Variants in STEAP1B observed in about 807,000 individuals in gnomAD.
STEAP1B encodes the protein STEAP family member 1B, also known as STEAP family protein MGC87042.
A neutral mutation model predicts 27.9 loss-of-function variants in STEAP1B; 13 were observed. The observed-to-expected ratio is 0.47, with a 90% CI of 0.30 to 0.74. The LOEUF (loss-of-function observed/expected upper bound fraction) is 0.74, where lower values mean the gene tolerates loss of function less well. Among genes scored for constraint, STEAP1B ranks in the 30% least tolerant of loss-of-function variants. The probability of loss-of-function intolerance (pLI) is 0.06; values close to 1 mark genes in which losing one functional copy is unlikely to be tolerated. For missense variants in STEAP1B, 250 were observed against 298.7 expected, an observed-to-expected ratio of 0.84 and a Z score of 1.20; for synonymous variants, 86 against 107.1, an observed-to-expected ratio of 0.80 and a Z score of 1.22.
chr7:22,424,928 A>T (rs1465101792), intron 4 of STEAP1B, among the ~76,000 whole-genome samples: 2 of 151,986 alleles, frequency 1.3e-5, no homozygotes, highest in Non-Finnish European at 2.9e-5. Flanking sequence ...ATACAGGATC[A>T]TTTCAATTAA....
chr7:22,495,762 T>C (rs1168104617), intron 1 of STEAP1B, among the ~76,000 whole-genome samples: 1 of 152,166 alleles, frequency 6.6e-6, no homozygotes, highest in Non-Finnish European at 1.5e-5. Flanking sequence ...CGTGTAGTAC[T>C]TTTTTAGGTG....
intron 4 of STEAP1B, among the ~76,000 whole-genome samples, chr7:22,420,109 A>G (rs903655404): frequency 2.0e-5 from 3 of 152,108 alleles, no homozygotes; most frequent in African/African-American, 7.2e-5. Flanking sequence ...CTCTCTCTCA[A>G]ACACAACAAA....
chr7:22,461,039 C>T (rs147627323), intron 4 of STEAP1B, among the ~76,000 whole-genome samples: 3 of 152,260 alleles, frequency 2.0e-5, no homozygotes, highest in Non-Finnish European at 2.9e-5. Flanking sequence ...GAAAAACTGC[C>T]GCTTTCCTGG....
At chr7:22,477,884 C>T (rs967424287) in intron 4 of STEAP1B, among the ~76,000 whole-genome samples, 6 of 152,202 alleles carry the variant, frequency 3.9e-5, no homozygotes, top group Non-Finnish European at 7.4e-5. Context: ...GTCCCATGAG[C>T]GAGCTACTGA....
chr7:22,477,204 A>G (rs1303835085), intron 4 of STEAP1B, among the ~76,000 whole-genome samples: 1 of 152,204 alleles, frequency 6.6e-6, no homozygotes, highest in Non-Finnish European at 1.5e-5. Context: ...GGGGTGACCC[A>G]TTGGGTCACA....
intron 4 of STEAP1B, among the ~76,000 whole-genome samples, chr7:22,468,947 A>T (rs979095267): frequency 2.6e-5 from 4 of 152,186 alleles, no homozygotes; most frequent in Non-Finnish European, 4.4e-5. Context: ...GCTAATAACC[A>T]TGTTACTTAT....
At chr7:22,456,735 T>C (rs1785584377) in intron 4 of STEAP1B, among the ~76,000 whole-genome samples, 1 of 151,030 alleles carries the variant, frequency 6.6e-6, no homozygotes, top group African/African-American at 2.4e-5. Flanking sequence ...TGAAAACTGA[T>C]AGAGAGGAAG....
intron 1 of STEAP1B, among the ~76,000 whole-genome samples, chr7:22,499,872 C>G (rs572406386): frequency 6.6e-6 from 1 of 152,374 alleles, no homozygotes; most frequent in South Asian, 2.1e-4. Flanking sequence ...CTCTGAGTCC[C>G]TGGCTCCCCC....
At chr7:22,492,281 C>T (rs60542468) in intron 4 of STEAP1B, 16,850 of 168,016 alleles carry the variant, frequency 0.1, 1,224 homozygotes, top group African/African-American at 0.18. Context: ...ATCGTGCCAC[C>T]ATACTCCAGC....
At chr7:22,488,298 C>T (rs181837008) in intron 4 of STEAP1B, among the ~76,000 whole-genome samples, 34 of 152,298 alleles carry the variant, frequency 2.2e-4, no homozygotes, top group Middle Eastern at 3.4e-3. Context: ...AGATTTCCTG[C>T]GGGAGCCCTG....
At chr7:22,491,551 A>C (rs922772545) in intron 4 of STEAP1B, among the ~76,000 whole-genome samples, 2 of 152,214 alleles carry the variant, frequency 1.3e-5, no homozygotes, top group Non-Finnish European at 2.9e-5. Flanking sequence ...GCATTTGAAG[A>C]ATGGGTAGAC....
At chr7:22,498,655 C>T (rs1157517864) in intron 1 of STEAP1B, among the ~76,000 whole-genome samples, 1 of 152,238 alleles carries the variant, frequency 6.6e-6, no homozygotes, top group African/African-American at 2.4e-5. Flanking sequence ...GGCATTTCAA[C>T]TGCATGGTAG....
chr7:22,452,160 C>T (rs1179043056), intron 4 of STEAP1B, among the ~76,000 whole-genome samples: 2 of 152,294 alleles, frequency 1.3e-5, no homozygotes, highest in Middle Eastern at 3.4e-3. Context: ...TTACAGAAGG[C>T]TGCTACCACC....
At chr7:22,481,678 C>A (rs145676719) in intron 4 of STEAP1B, among the ~76,000 whole-genome samples, 1 of 152,210 alleles carries the variant, frequency 6.6e-6, no homozygotes, top group Non-Finnish European at 1.5e-5. Flanking sequence ...ACAAGACTCA[C>A]GTAACGGTCT....
At chr7:22,453,354 T>C (rs1583638487) in intron 4 of STEAP1B, among the ~76,000 whole-genome samples, 1 of 152,150 alleles carries the variant, frequency 6.6e-6, no homozygotes, top group South Asian at 2.1e-4. Flanking sequence ...ATGAGAAAAA[T>C]CACTCAGTTT....
At chr7:22,483,601 C>A (rs1246560140) in intron 4 of STEAP1B, among the ~76,000 whole-genome samples, 1 of 152,144 alleles carries the variant, frequency 6.6e-6, no homozygotes, top group South Asian at 2.1e-4. Context: ...TTTGGTGATT[C>A]AATATTTCAA....
intron 1 of STEAP1B, among the ~76,000 whole-genome samples, chr7:22,496,240 G>A (rs892813639): frequency 6.6e-6 from 1 of 152,058 alleles, no homozygotes; most frequent in Admixed American, 6.5e-5. Flanking sequence ...TATAAACAAA[G>A]AAAATATTTT....
At chr7:22,426,699 C>G (rs1413127675) in intron 4 of STEAP1B, among the ~76,000 whole-genome samples, 1 of 152,192 alleles carries the variant, frequency 6.6e-6, no homozygotes, top group East Asian at 1.9e-4. Context: ...TACTGAACAC[C>G]TATTAGTGCC....
intron 4 of STEAP1B, among the ~76,000 whole-genome samples, chr7:22,451,672 T>A (rs1047996179): frequency 6.6e-6 from 1 of 152,236 alleles, no homozygotes; most frequent in African/African-American, 2.4e-5. Context: ...CTTCATTCTG[T>A]TGATGTATCA....
Sources: allele counts gnomAD v4.1 joint callset (sites outside exome capture counted in the v4.1 genomes callset), GRCh38; gene constraint gnomAD v4.1.1; transcripts MANE v1.5; gene names NCBI Gene and HGNC (gene_info 2026-07-23, HGNC 2026-07-21).